Variants in SDK1 observed in about 807,000 individuals in gnomAD.
The protein encoded by SDK1 is protein sidekick-1.
In SDK1, 157 loss-of-function variants were observed where a neutral mutation model predicts 245.5. The ratio of observed to expected loss-of-function variants is 0.64; its 90% CI spans 0.56 to 0.73. SDK1 has a LOEUF of 0.73. Ranked by LOEUF, SDK1 falls within the 30% of genes least tolerant of loss-of-function variation. SDK1 has a pLI of 0.00. For synonymous variants in SDK1, 1,647 were observed against 1,278.5 expected, an observed-to-expected ratio of 1.29 and a Z score of -6.15; for missense variants, 3,583 against 3,002.3, an observed-to-expected ratio of 1.19 and a Z score of -4.52.
chr7:3,869,635 GC>G (rs1260632877), intron 5 of SDK1, among the ~76,000 whole-genome samples: 1 of 152,096 alleles, frequency 6.6e-6, no homozygotes, highest in African/African-American at 2.4e-5. Flanking sequence ...GCTTCCACAG[GC>G]CACATCTATT....
At chr7:4,042,737 G>A (rs1788724835) in intron 17 of SDK1, among the ~76,000 whole-genome samples, 1 of 152,208 alleles carries the variant, frequency 6.6e-6, no homozygotes, top group African/African-American at 2.4e-5. Context: ...CTAAGCCCTT[G>A]TCGTTGGCTT....
chr7:3,385,075 A>G (rs773976272), intron 1 of SDK1, among the ~76,000 whole-genome samples: 7 of 152,152 alleles, frequency 4.6e-5, no homozygotes, highest in African/African-American at 1.4e-4. Flanking sequence ...CTGTTTCAAT[A>G]TTAAGTCTGT....
intron 25 of SDK1, among the ~76,000 whole-genome samples, chr7:4,126,200 A>G (rs1163921836): frequency 1.3e-5 from 2 of 152,208 alleles, no homozygotes; most frequent in Non-Finnish European, 2.9e-5. Context: ...CCTGACTGCT[A>G]GGGGCTAGCT....
chr7:4,243,854 T>G (rs1367410404), intron 43 of SDK1, among the ~76,000 whole-genome samples: 1 of 152,218 alleles, frequency 6.6e-6, no homozygotes, highest in African/African-American at 2.4e-5. Flanking sequence ...AGATTGGTCC[T>G]GTAGCATCAT....
intron 4 of SDK1, among the ~76,000 whole-genome samples, chr7:3,776,977 C>A (rs1033241776): frequency 6.6e-6 from 1 of 152,140 alleles, no homozygotes; most frequent in Non-Finnish European, 1.5e-5. Flanking sequence ...CTGTTTCCAC[C>A]CCCACACACA....
chr7:3,949,133 A>G (rs927397489), intron 5 of SDK1, among the ~76,000 whole-genome samples: 1 of 152,158 alleles, frequency 6.6e-6, no homozygotes, highest in Non-Finnish European at 1.5e-5. Flanking sequence ...GTCAGCAGGA[A>G]GGTTTCCGGA....
At chr7:3,971,105 G>A (rs1403783151) in intron 11 of SDK1, among the ~76,000 whole-genome samples, 5 of 152,174 alleles carry the variant, frequency 3.3e-5, no homozygotes, top group Non-Finnish European at 7.3e-5. Context: ...AAAGTACCAT[G>A]CAGACGCTAG....
At position 3,821,303 on chromosome 7, in the gene SDK1, T is replaced by G. The variant is rs531024683; in HGVS notation, c.714-147T>G. On this transcript the variant is annotated intron_variant, in intron 4 of 44. Transcript: ENST00000404826. ...GCTCTCTCTGGCGTTGTCGTATTCT[T>G]AAAGTCGGCCTGTGTATTGTTTTTG... 2.5e-4 allele frequency: 212 copies of G among 856,668 alleles called. 2 individuals carry two copies. In the African/African-American group the frequency reaches 3.2e-3, roughly 13 times the overall value. The allele number at this position is 856,668 out of a possible 1,614,324, so 53.1% of individuals were successfully genotyped here.
At chr7:3,617,993 A>G (rs1335905280) in intron 1 of SDK1, among the ~76,000 whole-genome samples, 4 of 152,146 alleles carry the variant, frequency 2.6e-5, no homozygotes, top group Admixed American at 1.3e-4. Context: ...TAGAAAGCTG[A>G]TTATGCAGGT....
intron 1 of SDK1, among the ~76,000 whole-genome samples, chr7:3,461,055 CG>C (rs1330568671): frequency 6.6e-6 from 1 of 152,108 alleles, no homozygotes; most frequent in African/African-American, 2.4e-5. Flanking sequence ...TACACATTTT[CG>C]TGTTTTTGAG....
At chr7:3,858,866 CTTTTTT>C (rs11464569) in intron 5 of SDK1, among the ~76,000 whole-genome samples, 1 of 131,366 alleles carries the variant, frequency 7.6e-6, no homozygotes, top group African/African-American at 3.0e-5. Flanking sequence ...TTTCTTTTTT[CTTTTTT>C]TTTTTTTTGA....
At chr7:3,673,370 T>C (rs1783781190) in intron 4 of SDK1, among the ~76,000 whole-genome samples, 1 of 152,216 alleles carries the variant, frequency 6.6e-6, no homozygotes, top group Admixed American at 6.5e-5. Flanking sequence ...AAAGCATTCA[T>C]TTCCTGAAAG....
At chr7:3,432,920 C>G (rs1779908209) in intron 1 of SDK1, among the ~76,000 whole-genome samples, 1 of 152,196 alleles carries the variant, frequency 6.6e-6, no homozygotes, top group Admixed American at 6.5e-5. Flanking sequence ...TGTACAGATT[C>G]ATAGCATGTT....
At chr7:3,526,804 T>C (rs1035085721) in intron 1 of SDK1, among the ~76,000 whole-genome samples, 8 of 152,214 alleles carry the variant, frequency 5.3e-5, no homozygotes, top group Non-Finnish European at 1.0e-4. Flanking sequence ...TCCTGATGCA[T>C]ATACAAACCA....
chr7:4,097,921 G>C (rs950215720), intron 22 of SDK1, among the ~76,000 whole-genome samples: 1 of 152,056 alleles, frequency 6.6e-6, no homozygotes, highest in East Asian at 1.9e-4. Flanking sequence ...ATAATCCCAC[G>C]GTCATCTGGT....
rs112483350 is a variant in SDK1 at position 3,390,288 on chromosome 7, A to G, written c.298+88404A>G. ...AGCAGGGTTGTAGAGAATCATATTTATTCATTTAGAATGTCAAATATATCT... is the reference window on the plus strand; with the variant it reads ...AGCAGGGTTGTAGAGAATCATATTTGTTCATTTAGAATGTCAAATATATCT... On this transcript the variant is annotated intron_variant, in intron 1 of 44. Coordinates refer to ENST00000404826, the MANE Select transcript of SDK1 (RefSeq NM_152744.4). Among the ~76,000 whole-genome samples the G allele has an allele frequency of 6.6e-5, 10 of 152,292 alleles. 2 individuals carry two copies. Among genetic ancestry groups the G allele is most frequent in the African/African-American group, 2.4e-4 (10 of 41,570 alleles).
At chr7:3,622,901 T>A (rs954576230) in intron 2 of SDK1, among the ~76,000 whole-genome samples, 1 of 152,180 alleles carries the variant, frequency 6.6e-6, no homozygotes, top group African/African-American at 2.4e-5. Context: ...AGCTTGCTTT[T>A]TTTTTTCCCC....
At chr7:3,586,752 A>T (rs548559891) in intron 1 of SDK1, among the ~76,000 whole-genome samples, 1 of 151,512 alleles carries the variant, frequency 6.6e-6, no homozygotes, top group African/African-American at 2.4e-5. Context: ...ATTTTGTTAC[A>T]GTGTCTAAGG....
intron 4 of SDK1, among the ~76,000 whole-genome samples, chr7:3,804,472 A>G (rs77431829): frequency 0.017 from 2,536 of 152,238 alleles, 75 homozygotes; most frequent in African/African-American, 0.058. Flanking sequence ...CCAATACCAC[A>G]CTGGATATAG....
Sources: gnomAD v4.1 joint callset for allele counts (sites outside exome capture counted in the v4.1 genomes callset) on GRCh38, gnomAD v4.1.1 for gene constraint, MANE v1.5 for transcripts, NCBI Gene and HGNC (gene_info 2026-07-23, HGNC 2026-07-21) for gene names.